Variants in XIRP2 observed in about 807,000 individuals in gnomAD.
XIRP2 encodes the protein xin actin binding repeat containing 2, also known as xin actin-binding repeat-containing protein 2.
A neutral mutation model predicts 277.0 loss-of-function variants in XIRP2; 236 were observed. The ratio of observed to expected loss-of-function variants is 0.85; its 90% CI spans 0.77 to 0.95. The LOEUF is 0.95. XIRP2 is among the 40% of genes least tolerant of loss of function. The probability of loss-of-function intolerance (pLI) is 0.00; values close to 1 mark genes in which losing one functional copy is unlikely to be tolerated. For missense variants in XIRP2, 4,640 were observed against 4,157.5 expected (o/e 1.12, Z -3.19); for synonymous variants, 1,490 against 1,416.5 (o/e 1.05, Z -1.17).
At chr2:167,224,151 A>G (rs1041738785) in intron 5 of XIRP2, among the ~76,000 whole-genome samples, 2 of 152,132 alleles carry the variant, frequency 1.3e-5, no homozygotes, top group Non-Finnish European at 2.9e-5. Context: ...TATCATAATG[A>G]CACTAGTTCA....
intron 3 of XIRP2, among the ~76,000 whole-genome samples, chr2:167,202,503 T>C (rs1693748159): frequency 6.6e-6 from 1 of 152,212 alleles, no homozygotes. Context: ...GATTTGAATC[T>C]AAATGGACAC....
At chr2:167,083,304 T>C (rs1406163194) in intron 2 of XIRP2, among the ~76,000 whole-genome samples, 1 of 152,210 alleles carries the variant, frequency 6.6e-6, no homozygotes, top group Non-Finnish European at 1.5e-5. Context: ...TTGATCTATA[T>C]CTCTGTTTTG....
chr2:167,183,014 C>T (rs1224816869), intron 3 of XIRP2, among the ~76,000 whole-genome samples: 1 of 152,076 alleles, frequency 6.6e-6, no homozygotes, highest in Non-Finnish European at 1.5e-5. Context: ...AAAAGAAGCA[C>T]ATAGAATTTT....
chr2:166,931,140 A>C (rs1022202144), intron 2 of XIRP2, among the ~76,000 whole-genome samples: 4 of 152,342 alleles, frequency 2.6e-5, no homozygotes, highest in South Asian at 4.1e-4. Context: ...GAGAGAAATA[A>C]GATTAGTGTA....
intron 4 of XIRP2, 41 bp from the exon 5 acceptor site, chr2:167,218,125 A>T (rs757412187): frequency 2.9e-5 from 42 of 1,453,690 alleles, no homozygotes; most frequent in Non-Finnish European, 3.8e-5. Context: ...CATCCTGCAC[A>T]GCTGTAAAGC....
In XIRP2 at chr2:167,209,499, T is replaced by A. The variant is rs76479867; in HGVS notation, c.563-1236T>A. On this transcript the variant is annotated intron_variant, in intron 3 of 10. Transcript: ENST00000409195. ...AGGTTATTTGGGCCTTGGTTGATAG[T>A]GATTAAATTATAACAACCCAAATAA... 5.4e-3 allele frequency among the ~76,000 whole-genome samples: 815 copies of A among 152,088 alleles called. 4 individuals carry two copies. Among genetic ancestry groups the A allele is most frequent in the Middle Eastern group, 0.01 (3 of 294 alleles).
intron 2 of XIRP2, among the ~76,000 whole-genome samples, chr2:167,033,522 G>T (rs1452951567): frequency 6.6e-6 from 1 of 151,984 alleles, no homozygotes; most frequent in Admixed American, 6.6e-5. Context: ...GTACAAGAAG[G>T]TTATAGAACA....
chr2:167,202,135 T>C (rs1693737928), intron 3 of XIRP2, among the ~76,000 whole-genome samples: 1 of 150,182 alleles, frequency 6.7e-6, no homozygotes, highest in Admixed American at 6.6e-5. Flanking sequence ...AAGAGACTTA[T>C]GCTGTAAAAA....
intron 2 of XIRP2, among the ~76,000 whole-genome samples, chr2:167,060,049 C>A (rs928002933): frequency 1.3e-5 from 2 of 152,128 alleles, no homozygotes; most frequent in Non-Finnish European, 2.9e-5. Flanking sequence ...ATGAGTGATC[C>A]TAGCTAATGT....
At chr2:167,188,023 C>T (rs1270985900) in intron 3 of XIRP2, among the ~76,000 whole-genome samples, 1 of 152,166 alleles carries the variant, frequency 6.6e-6, no homozygotes, top group African/African-American at 2.4e-5. Flanking sequence ...GTAGTTCTTG[C>T]TCCAGCCAGA....
chr2:167,087,624 G>GT (rs1366134046), intron 2 of XIRP2, among the ~76,000 whole-genome samples: 10 of 152,258 alleles, frequency 6.6e-5, no homozygotes, highest in Non-Finnish European at 1.5e-4. Context: ...TCCGAGCCAG[G>GT]TGCGGGATAT....
At chr2:166,906,031 A>G (rs1483929092) in intron 2 of XIRP2, among the ~76,000 whole-genome samples, 1 of 151,992 alleles carries the variant, frequency 6.6e-6, no homozygotes, top group Non-Finnish European at 1.5e-5. Context: ...TAAATCATCT[A>G]AAAAATTCTG....
At chr2:166,997,152 G>A (rs1687243190) in intron 2 of XIRP2, among the ~76,000 whole-genome samples, 1 of 152,028 alleles carries the variant, frequency 6.6e-6, no homozygotes. Flanking sequence ...ATTTAGCACT[G>A]ATATATTTCA....
chr2:167,241,375 GA>G (rs1210754477), intron 7 of XIRP2, among the ~76,000 whole-genome samples: 5 of 152,130 alleles, frequency 3.3e-5, no homozygotes, highest in Admixed American at 6.5e-5. Context: ...ATTTTTTCCT[GA>G]GCATAAAAGT....
intron 2 of XIRP2, among the ~76,000 whole-genome samples, chr2:167,030,063 G>A (rs549641663): frequency 4.7e-4 from 71 of 151,934 alleles, no homozygotes; most frequent in African/African-American, 1.6e-3. Context: ...GGTGATCTCC[G>A]CTTTATCATT....
intron 2 of XIRP2, among the ~76,000 whole-genome samples, chr2:167,013,308 A>T (rs545587839): frequency 6.6e-6 from 1 of 151,460 alleles, no homozygotes; most frequent in East Asian, 1.9e-4. Context: ...AAATTATGGT[A>T]TATTATTTTT....
rs184700894 is a variant in XIRP2, at chr2:166,911,399, A to G, written c.408+7509A>G. Reference sequence around the variant, plus strand: ...TGTCTCTTTTGAGCTTTGTTGGTTTAAAGTCTGTTTTATCAGAGACTAGGA... The same window carrying G: ...TGTCTCTTTTGAGCTTTGTTGGTTTGAAGTCTGTTTTATCAGAGACTAGGA... On this transcript the variant is annotated intron_variant, in intron 2 of 10. Coordinates refer to ENST00000409195, the MANE Select transcript of XIRP2 (RefSeq NM_152381.6). Among the ~76,000 whole-genome samples, 807 of 152,170 alleles carry G rather than the reference A, an allele frequency of 5.3e-3. 7 individuals carry two copies. Among genetic ancestry groups the G allele is most frequent in the Middle Eastern group, 0.02 (6 of 294 alleles).
chr2:167,181,156 A>T (rs936603687), intron 3 of XIRP2, among the ~76,000 whole-genome samples: 1 of 152,230 alleles, frequency 6.6e-6, no homozygotes, highest in Admixed American at 6.5e-5. Context: ...GCATAGGTAT[A>T]TAATGATGGG....
chr2:167,242,452 T>G lies in XIRP2; in HGVS notation c.1177-117T>G, dbSNP rs1026259476. ...GTCTTTAAATGAGTATATCACATAT[T>G]GTTCCCAATGGAGATATCATAGGAG... On this transcript the variant is annotated intron_variant, in intron 8 of 10. Transcript: ENST00000409195. 8 of 1,040,932 alleles carry G rather than the reference T, an allele frequency of 7.7e-6. No homozygotes were observed. In the African/African-American group the frequency reaches 1.1e-4, roughly 15 times the overall value. 64.5% of individuals were successfully genotyped at this position (1,040,932 alleles called of 1,614,324 possible).
Sources: allele counts gnomAD v4.1 joint callset (sites outside exome capture counted in the v4.1 genomes callset), GRCh38; gene constraint gnomAD v4.1.1; transcripts MANE v1.5; gene names NCBI Gene and HGNC (gene_info 2026-07-23, HGNC 2026-07-21).